Variants in ORC3 observed in about 807,000 individuals in gnomAD.
The protein encoded by ORC3 is homolog of latheo, Drosophila.
Under a neutral mutation model 100.7 loss-of-function variants are expected in ORC3, and 78 were observed. That is an observed-to-expected ratio of 0.77 (90% CI 0.65 to 0.94). ORC3 has a LOEUF of 0.94. Ranked by LOEUF, ORC3 falls within the 40% of genes least tolerant of loss-of-function variation. The probability of loss-of-function intolerance (pLI) is 0.00; values close to 1 mark genes in which losing one functional copy is unlikely to be tolerated. For missense variants in ORC3, 789 were observed against 823.9 expected (o/e 0.96, Z 0.52); for synonymous variants, 295 against 289.3 (o/e 1.02, Z -0.20).
Position 87,653,096 on chromosome 6 carries a change from T to A in ORC3, c.1383-20T>A. 6.4e-7 allele frequency: 1 copy of A among 1,556,720 alleles called. No homozygotes were observed. The highest frequency in any genetic ancestry group is 8.7e-7 in the Non-Finnish European group (1 of 1,146,158). On this transcript the variant is annotated intron_variant, in intron 13 of 19. Transcript: ENST00000392844. ...AATTTTCTAGTTATATTACATTTCC[T>A]GTCACTGACTCTGTTCTAGGATGTT... is the stretch of plus-strand genomic sequence containing the variant.
chr6:87,641,598 G>C (rs1768262358), intron 13 of ORC3, among the ~76,000 whole-genome samples: 1 of 152,138 alleles, frequency 6.6e-6, no homozygotes, highest in African/African-American at 2.4e-5. Context: ...AACCTTATGA[G>C]CTTGCAAAGA....
rs200967830 is a variant in ORC3, at chr6:87,626,974, T to TTTTA, written c.1185+4977_1185+4980dup. 2.9e-3 allele frequency among the ~76,000 whole-genome samples: 441 copies of TTTTA among 151,962 alleles called. 4 individuals carry two copies. The highest frequency in any genetic ancestry group is 0.01 in the African/African-American group (420 of 41,476). On this transcript the variant is annotated intron_variant, in intron 11 of 19. Coordinates refer to ENST00000392844, the MANE Select transcript of ORC3 (RefSeq NM_012381.4). ...AAAAATTAAGATCAATATGAACACA[T>TTTTA]TTTATTTATTTATTTATTTTTATTT...
chr6:87,603,994 C>T (rs1014552555), intron 4 of ORC3, among the ~76,000 whole-genome samples: 1 of 152,062 alleles, frequency 6.6e-6, no homozygotes, highest in Admixed American at 6.6e-5. Flanking sequence ...ATATTAATTA[C>T]CTACAAGGAG....
intron 13 of ORC3, among the ~76,000 whole-genome samples, chr6:87,652,052 C>T (rs1345618719): frequency 3.3e-5 from 5 of 152,034 alleles, no homozygotes; most frequent in South Asian, 2.1e-4. Context: ...GCGCCCACCA[C>T]TACACCCGGC....
At chr6:87,672,230 G>GTA (rs1286676014), downstream of ORC3, among the ~76,000 whole-genome samples, 4 of 152,004 alleles carry the variant, frequency 2.6e-5, no homozygotes, top group African/African-American at 9.7e-5. Context: ...AAAAGGAAGG[G>GTA]GTAATAAACT....
chr6:87,664,122 C>T (rs1024169947), intron 17 of ORC3, among the ~76,000 whole-genome samples: 1 of 151,968 alleles, frequency 6.6e-6, no homozygotes, highest in African/African-American at 2.4e-5. Context: ...CAGAAGAGAA[C>T]TGGTATGATT....
intron 13 of ORC3, among the ~76,000 whole-genome samples, chr6:87,650,534 CTG>C (rs1769177693): frequency 6.6e-6 from 1 of 152,006 alleles, no homozygotes; most frequent in South Asian, 2.1e-4. Flanking sequence ...AGCATTGATT[CTG>C]TGTGTGTATA....
In ORC3 at chr6:87,590,146, GAATACGCAGAGTCAGT is replaced by G; in HGVS notation, c.-20_-5del. ...GCGCGGGAAATCCCGAGTGCATCTG[GAATACGCAGAGTCAGT>G]AAGACCATGGCTACGTCCTCGATGT... On this transcript the variant is annotated 5_prime_UTR_variant, in exon 1 of 20. Transcript: ENST00000392844. 1 of 1,614,078 alleles carries G rather than the reference GAATACGCAGAGTCAGT, an allele frequency of 6.2e-7. No individual in the cohort carries two copies. Among genetic ancestry groups the G allele is most frequent in the Non-Finnish European group, 8.5e-7 (1 of 1,179,902 alleles).
chr6:87,621,889 T>A, intron 10 of ORC3, 61 bp from the exon 11 acceptor site: 2 of 1,131,450 alleles, frequency 1.8e-6, no homozygotes, highest in Non-Finnish European at 1.3e-6. Flanking sequence ...CCCAATATGC[T>A]ATTTAAATAT....
chr6:87,665,002 CA>C (rs759207966), intron 18 of ORC3, 143 bp downstream of exon 18: 30 of 606,548 alleles, frequency 4.9e-5, no homozygotes, highest in South Asian at 3.8e-4. Context: ...TAAATCATTT[CA>C]AACTTTAAAA....
chr6:87,666,425 C>T (rs568172882), intron 19 of ORC3, among the ~76,000 whole-genome samples: 6 of 145,510 alleles, frequency 4.1e-5, no homozygotes, highest in Non-Finnish European at 7.5e-5. Context: ...CCACCTCACC[C>T]GGCCTAATTC....
At chr6:87,616,083 G>T (rs1157473761) in intron 8 of ORC3, among the ~76,000 whole-genome samples, 1 of 151,882 alleles carries the variant, frequency 6.6e-6, no homozygotes, top group Non-Finnish European at 1.5e-5. Flanking sequence ...ATGGAAGATG[G>T]TATAGATCTT....
chr6:87,665,091 A>C (rs1770493644), intron 18 of ORC3, among the ~76,000 whole-genome samples: 1 of 152,182 alleles, frequency 6.6e-6, no homozygotes, highest in Admixed American at 6.5e-5. Context: ...TAACCAAGCC[A>C]ATTCTGTGTT....
chr6:87,627,315 T>TTTTTTTTTGG (rs1779989385), intron 11 of ORC3, among the ~76,000 whole-genome samples: 2 of 124,380 alleles, frequency 1.6e-5, no homozygotes, highest in Admixed American at 8.3e-5. Flanking sequence ...TTTTTTTTTT[T>TTTTTTTTTGG]GAGGGGGTCT....
chr6:87,665,809 CAGA>C lies in ORC3; in HGVS notation c.2011_2013del (p.Glu671del). ...AAAATGGATGCAAATTCTGCAACCT[CAGA>C]AGAAATGAATGAAATTATCCAGTAT... On this transcript the variant is annotated inframe_deletion, in exon 19 of 20. Coordinates refer to ENST00000392844, the MANE Select transcript of ORC3 (RefSeq NM_012381.4). 1 of 1,609,824 alleles carries C rather than the reference CAGA, an allele frequency of 6.2e-7. No individual in the cohort carries two copies. The highest frequency in any genetic ancestry group is 8.5e-7 in the Non-Finnish European group (1 of 1,176,432).
intron 9 of ORC3, 113 bp downstream of exon 9, chr6:87,616,540 T>A: frequency 1.9e-6 from 1 of 523,098 alleles, no homozygotes; most frequent in Non-Finnish European, 3.5e-6. Context: ...CTAGAATAAG[T>A]AAATTCCAGT....
chr6:87,590,304 G>A, intron 1 of ORC3, 112 bp downstream of exon 1: 1 of 1,188,520 alleles, frequency 8.4e-7, no homozygotes, highest in Non-Finnish European at 1.3e-6. Context: ...GAGGAGGGAG[G>A]GAGCGGCGTA....
chr6:87,600,132 A>T (rs1345919101), intron 2 of ORC3, among the ~76,000 whole-genome samples: 1 of 152,242 alleles, frequency 6.6e-6, no homozygotes, highest in African/African-American at 2.4e-5. Context: ...CTCTGAGTTA[A>T]CTATGATTAG....
At chr6:87,616,864 G>C (rs1420875468) in intron 9 of ORC3, among the ~76,000 whole-genome samples, 1 of 151,714 alleles carries the variant, frequency 6.6e-6, no homozygotes, top group East Asian at 1.9e-4. Flanking sequence ...GCAGTGGCAT[G>C]ATCTCAGCTC....
Sources: allele counts gnomAD v4.1 joint callset (sites outside exome capture counted in the v4.1 genomes callset), GRCh38; gene constraint gnomAD v4.1.1; transcripts MANE v1.5; gene names NCBI Gene and HGNC (gene_info 2026-07-23, HGNC 2026-07-21).